Variants in RAMP3 observed in about 807,000 individuals in gnomAD.
RAMP3 encodes receptor activity-modifying protein 3.
A neutral mutation model predicts 13.5 loss-of-function variants in RAMP3; 14 were observed. The observed-to-expected ratio is 1.04, with a 90% CI of 0.69 to 1.63. RAMP3 has a LOEUF of 1.63. Ranked by LOEUF, RAMP3 falls within the 40% of genes most tolerant of loss-of-function variation. The probability of loss-of-function intolerance (pLI) is 0.00; values close to 1 mark genes in which losing one functional copy is unlikely to be tolerated. For missense variants in RAMP3, 200 were observed against 204.8 expected (o/e 0.98, Z 0.14); for synonymous variants, 106 against 88.3 (o/e 1.20, Z -1.12).
chr7:45,177,968 C>T (rs1167602793), intron 2 of RAMP3, among the ~76,000 whole-genome samples: 1 of 151,856 alleles, frequency 6.6e-6, no homozygotes, highest in Non-Finnish European at 1.5e-5. Context: ...CTGGAGGGTG[C>T]CCTGCCCGGG....
At chr7:45,182,601 T>C (rs1294921) in intron 2 of RAMP3, among the ~76,000 whole-genome samples, 72,970 of 152,016 alleles carry the variant, frequency 0.48, 18,678 homozygotes, top group Admixed American at 0.61. Flanking sequence ...TAGATGGGGC[T>C]GAAGGAGGCA....
intron 1 of RAMP3, chr7:45,163,633 A>G (rs935769884): frequency 2.0e-6 from 2 of 985,348 alleles, no homozygotes; most frequent in African/African-American, 3.5e-5. Flanking sequence ...CTTGACAGAG[A>G]TTTTGTAGGT....
Position 45,174,796 on chromosome 7 carries a change from T to C in RAMP3, c.59-2513T>C, listed in dbSNP as rs187613790. Among the ~76,000 whole-genome samples the C allele has an allele frequency of 3.6e-4, 55 of 152,298 alleles. No individual in the cohort carries two copies. The East Asian group carries it at 0.01, about 28-fold the overall frequency. On this transcript the variant is annotated intron_variant, in intron 1 of 2. Transcript: ENST00000242249. The stretch of plus-strand genomic sequence containing the variant: ...CTAGTTGGACTGAGATCCCTGTGTC[T>C]TCCTCTTGCCCCCTGGAACCCAGAT...
rs11550711 is a variant in RAMP3 at position 45,177,347 on chromosome 7, A to C, written c.97A>C (p.Met33Leu). Residue 33 changes from methionine (M) to leucine (L), a missense_variant, in exon 2 of 3, where the codon ATG (methionine) becomes CTG (leucine). Coordinates refer to ENST00000242249, the MANE Select transcript of RAMP3 (RefSeq NM_005856.3). ...PRAGGCNETG[M>L]LERLPLCGKA... is the part of the protein sequence containing the mutation. ...AGCAGGCGGCTGCAACGAGACAGGC[A>C]TGTTGGAGAGGCTGCCCCTGTGTGG... The C allele has an allele frequency of 7.6e-4, 1,219 of 1,614,142 alleles. 10 individuals are homozygous for C. In the African/African-American group the frequency reaches 0.014, roughly 18 times the overall value.
chr7:45,183,978 G>T lies in RAMP3; in HGVS notation c.*566G>T. 1 of 414,916 alleles carries T rather than the reference G, an allele frequency of 2.4e-6. No individual in the cohort carries two copies. Among genetic ancestry groups the T allele is most frequent in the South Asian group, 1.0e-4 (1 of 9,648 alleles). The allele number at this position is 414,916 out of a possible 1,614,324, so 25.7% of individuals were successfully genotyped here. ...CTGGAAAGGCTGGGAGGAGAAGGGAGGGGCTGGGGGTTCCCAGGAGCCATG... is the reference window on the plus strand; with the variant it reads ...CTGGAAAGGCTGGGAGGAGAAGGGATGGGCTGGGGGTTCCCAGGAGCCATG... On this transcript the variant is annotated 3_prime_UTR_variant, in exon 3 of 3. Coordinates refer to ENST00000242249, the MANE Select transcript of RAMP3 (RefSeq NM_005856.3).
At chr7:45,169,885 A>G (rs1786045723) in intron 1 of RAMP3, among the ~76,000 whole-genome samples, 1 of 152,260 alleles carries the variant, frequency 6.6e-6, no homozygotes, top group African/African-American at 2.4e-5. Context: ...ACTAGGGGTT[A>G]GGACTTCAAT....
intron 1 of RAMP3, among the ~76,000 whole-genome samples, chr7:45,175,393 A>T (rs111343347): frequency 2.0e-5 from 3 of 152,182 alleles, no homozygotes; most frequent in African/African-American, 4.8e-5. Context: ...TGGGGCCTCA[A>T]GATGCCCTGG....
chr7:45,182,586 C>T (rs1786338282), intron 2 of RAMP3, among the ~76,000 whole-genome samples: 1 of 152,106 alleles, frequency 6.6e-6, no homozygotes, highest in Non-Finnish European at 1.5e-5. Flanking sequence ...CTCCACATGT[C>T]CTGCTAGATG....
At chr7:45,163,808 T>A in intron 1 of RAMP3, 3 of 985,356 alleles carry the variant, frequency 3.0e-6, no homozygotes, top group South Asian at 4.7e-5. Context: ...CAGTGGGGCA[T>A]CTGGAGGGTG....
At chr7:45,181,121 T>C (rs564851869) in intron 2 of RAMP3, among the ~76,000 whole-genome samples, 1 of 152,326 alleles carries the variant, frequency 6.6e-6, no homozygotes, top group East Asian at 1.9e-4. Context: ...CCTGATAGGA[T>C]AAGTGTTATT....
chr7:45,170,234 C>T (rs1195037736), intron 1 of RAMP3, among the ~76,000 whole-genome samples: 1 of 149,720 alleles, frequency 6.7e-6, no homozygotes, highest in Non-Finnish European at 1.5e-5. Flanking sequence ...TTAATTTCTT[C>T]CTTTCTTCTG....
At chr7:45,165,427 T>C (rs1785941147) in intron 1 of RAMP3, among the ~76,000 whole-genome samples, 1 of 152,264 alleles carries the variant, frequency 6.6e-6, no homozygotes, top group African/African-American at 2.4e-5. Flanking sequence ...TATTGGCTTC[T>C]GATAGGCTTT....
intron 2 of RAMP3, among the ~76,000 whole-genome samples, chr7:45,179,406 T>C (rs550670745): frequency 6.6e-6 from 1 of 152,244 alleles, no homozygotes; most frequent in South Asian, 2.1e-4. Context: ...CCTAAGGCTC[T>C]GACCCTGAAG....
chr7:45,173,621 C>A (rs988740257), intron 1 of RAMP3, among the ~76,000 whole-genome samples: 15 of 152,202 alleles, frequency 9.9e-5, no homozygotes, highest in African/African-American at 3.6e-4. Flanking sequence ...TTTCCCAGTG[C>A]CCAGTGAGCC....
At chr7:45,176,085 G>A (rs532322094) in intron 1 of RAMP3, among the ~76,000 whole-genome samples, 2 of 152,144 alleles carry the variant, frequency 1.3e-5, no homozygotes, top group African/African-American at 4.8e-5. Context: ...TGAATGATAC[G>A]TTCCTGGAGG....
chr7:45,175,429 A>C (rs1786161806), intron 1 of RAMP3, among the ~76,000 whole-genome samples: 1 of 152,128 alleles, frequency 6.6e-6, no homozygotes. Flanking sequence ...GCATGGACAG[A>C]AGGGGAGATG....
intron 1 of RAMP3, among the ~76,000 whole-genome samples, chr7:45,174,009 G>A (rs1048710293): frequency 3.9e-5 from 6 of 152,138 alleles, no homozygotes; most frequent in African/African-American, 1.4e-4. Flanking sequence ...GGTGGGGGCT[G>A]TGGATTTCCT....
chr7:45,160,391 G>A (rs1295755827), intron 1 of RAMP3, among the ~76,000 whole-genome samples: 2 of 135,306 alleles, frequency 1.5e-5, no homozygotes, highest in African/African-American at 2.8e-5. Context: ...GTGGTGATTG[G>A]CCAAGAAGAG....
chr7:45,160,971 C>T (rs1032108581), intron 1 of RAMP3, among the ~76,000 whole-genome samples: 1 of 152,212 alleles, frequency 6.6e-6, no homozygotes, highest in Non-Finnish European at 1.5e-5. Context: ...GAAATGAGCT[C>T]CCTGGGGAGG....
Sources: gnomAD v4.1 joint callset for allele counts (sites outside exome capture counted in the v4.1 genomes callset) on GRCh38, gnomAD v4.1.1 for gene constraint, MANE v1.5 for transcripts, NCBI Gene and HGNC (gene_info 2026-07-23, HGNC 2026-07-21) for gene names.